TAOK3: variants seen among roughly 807,000 people sequenced by gnomAD.
The protein encoded by TAOK3 is serine/threonine-protein kinase TAO3.
A neutral mutation model predicts 120.4 loss-of-function variants in TAOK3; 40 were observed. The observed-to-expected ratio is 0.33, with a 90% CI of 0.26 to 0.43. TAOK3 has a LOEUF of 0.43. Ranked by LOEUF, TAOK3 falls within the 20% of genes least tolerant of loss-of-function variation. The pLI is 1.00. For synonymous variants in TAOK3, 355 were observed against 387.5 expected (o/e 0.92, Z 0.99); for missense variants, 821 against 1,112.1 (o/e 0.74, Z 3.72).
chr12:118,298,021 C>G (rs967435299), intron 1 of TAOK3, among the ~76,000 whole-genome samples: 24 of 152,158 alleles, frequency 1.6e-4, no homozygotes, highest in African/African-American at 5.6e-4. Flanking sequence ...TTCAAGTGAT[C>G]CTTCTGTCTT....
intron 14 of TAOK3, among the ~76,000 whole-genome samples, chr12:118,187,538 T>C (rs1400029072): frequency 1.3e-5 from 2 of 152,140 alleles, no homozygotes; most frequent in Non-Finnish European, 2.9e-5. Flanking sequence ...TCCATACCCA[T>C]AGTTAGATTG....
rs958555411 is a variant in TAOK3, at chr12:118,211,032, C to T, written c.819+1882G>A. On this transcript the variant is annotated intron_variant, in intron 11 of 20. Transcript: ENST00000392533. ...GATTACGGGCATGAGCCGCCACGCCCGGCCTACTTATTTATTTCTTACTCC... is the reference window on the plus strand; with the variant it reads ...GATTACGGGCATGAGCCGCCACGCCTGGCCTACTTATTTATTTCTTACTCC... 5.9e-5 allele frequency among the ~76,000 whole-genome samples: 9 copies of T among 152,184 alleles called. No homozygotes were observed. In the East Asian group the frequency reaches 9.6e-4, roughly 16 times the overall value.
intron 20 of TAOK3, 133 bp downstream of exon 20, chr12:118,152,094 C>G: frequency 1.3e-6 from 1 of 799,168 alleles, no homozygotes; most frequent in South Asian, 1.9e-5. Context: ...CACAAGGGTA[C>G]CAGTAGCATA....
intron 11 of TAOK3, among the ~76,000 whole-genome samples, chr12:118,212,203 A>T (rs1478032700): frequency 6.6e-6 from 1 of 152,250 alleles, no homozygotes; most frequent in African/African-American, 2.4e-5. Context: ...GCCATTCTAG[A>T]GACGGAAGAA....
chr12:118,307,010 A>G (rs1284514627), intron 1 of TAOK3, among the ~76,000 whole-genome samples: 3 of 152,208 alleles, frequency 2.0e-5, no homozygotes, highest in Non-Finnish European at 2.9e-5. Context: ...TTGGCTAGAA[A>G]CTACAATGTT....
intron 1 of TAOK3, among the ~76,000 whole-genome samples, chr12:118,302,870 G>A (rs468574): frequency 0.81 from 122,632 of 152,120 alleles, 49,804 homozygotes; most frequent in African/African-American, 0.9. Context: ...CCAATATCAC[G>A]ACTACCATTT....
chr12:118,286,269 G>A (rs965576840), intron 1 of TAOK3, among the ~76,000 whole-genome samples: 1 of 152,120 alleles, frequency 6.6e-6, no homozygotes, highest in Non-Finnish European at 1.5e-5. Context: ...TGTGCCATTA[G>A]AAGCTAGGTT....
At chr12:118,151,204 A>T in intron 20 of TAOK3, 46 bp from the exon 21 acceptor site, 1 of 1,600,284 alleles carries the variant, frequency 6.2e-7, no homozygotes. Context: ...ATCTCCTAAC[A>T]GGCACCCACG....
At chr12:118,186,319 G>C (rs2037073527) in intron 14 of TAOK3, among the ~76,000 whole-genome samples, 1 of 152,142 alleles carries the variant, frequency 6.6e-6, no homozygotes, top group African/African-American at 2.4e-5. Flanking sequence ...AGGAAGAGGG[G>C]CAGTGAGAAT....
chr12:118,327,510 T>C (rs1250941834), intron 1 of TAOK3, among the ~76,000 whole-genome samples: 1 of 152,232 alleles, frequency 6.6e-6, no homozygotes. Context: ...TAAACATTCT[T>C]ATAAATGCTA....
At chr12:118,279,932 A>AT in intron 1 of TAOK3, among the ~76,000 whole-genome samples, 1 of 150,202 alleles carries the variant, frequency 6.7e-6, no homozygotes. Flanking sequence ...CGTCCAGCTA[A>AT]TTTTTTGTAT....
chr12:118,307,797 A>C (rs1294363178), intron 1 of TAOK3, among the ~76,000 whole-genome samples: 1 of 152,144 alleles, frequency 6.6e-6, no homozygotes. Flanking sequence ...ATGGTATCTT[A>C]TTACTAAAAC....
intron 17 of TAOK3, 136 bp from the exon 18 acceptor site, chr12:118,162,163 G>T: frequency 8.8e-7 from 1 of 1,133,742 alleles, no homozygotes; most frequent in Non-Finnish European, 1.2e-6. Flanking sequence ...TTTGGCAGCA[G>T]GACTTAATGA....
intron 1 of TAOK3, among the ~76,000 whole-genome samples, chr12:118,295,702 C>A (rs779574000): frequency 1.3e-5 from 2 of 152,178 alleles, no homozygotes; most frequent in Admixed American, 6.5e-5. Context: ...GAAACCTCTA[C>A]AAATTGTCAA....
intron 1 of TAOK3, among the ~76,000 whole-genome samples, chr12:118,287,365 T>G (rs557447407): frequency 3.3e-5 from 5 of 152,206 alleles, no homozygotes; most frequent in Non-Finnish European, 7.3e-5. Flanking sequence ...GCAATTCTCC[T>G]GCCTCAGCCT....
rs112263526 is a variant in TAOK3, at chr12:118,172,617, T to C, written c.1739A>G (p.Glu580Gly). Residue 580 changes from glutamate to glycine, a missense_variant, in exon 17 of 21, where the codon GAG becomes GGG. Glu to Gly is a moderately conservative substitution (Grantham distance 98). Coordinates refer to ENST00000392533, the MANE Select transcript of TAOK3 (RefSeq NM_016281.4). ...DHSTPKKEKQ[E>G]RISKHKENLQ... is the part of the protein sequence containing the mutation. ...GTTCTCTTTATGTTTGGAGATCCGC[T>C]CTTGCTTCTCTTTCTTGGGTGTGCT... 7.3e-5 allele frequency: 118 copies of C among 1,614,116 alleles called. No homozygotes were observed. The Admixed American group carries it at 1.1e-3, about 15-fold the overall frequency.
At chr12:118,293,036 G>A (rs1056711901) in intron 1 of TAOK3, among the ~76,000 whole-genome samples, 1 of 152,220 alleles carries the variant, frequency 6.6e-6, no homozygotes, top group African/African-American at 2.4e-5. Flanking sequence ...GATATGGCAA[G>A]CATGCATACA....
chr12:118,208,918 G>T (rs895540688), intron 11 of TAOK3, among the ~76,000 whole-genome samples: 2 of 152,022 alleles, frequency 1.3e-5, no homozygotes, highest in Non-Finnish European at 1.5e-5. Flanking sequence ...CACTATTTTG[G>T]CCAGGCTGGT....
At chr12:118,190,011 C>G in intron 13 of TAOK3, 70 bp from the exon 14 acceptor site, 1 of 1,589,404 alleles carries the variant, frequency 6.3e-7, no homozygotes, top group Non-Finnish European at 8.6e-7. Context: ...CTCTCTCTCA[C>G]CCCTCTTTCT....
Sources: gnomAD v4.1 joint callset for allele counts (sites outside exome capture counted in the v4.1 genomes callset) on GRCh38, gnomAD v4.1.1 for gene constraint, MANE v1.5 for transcripts, NCBI Gene and HGNC (gene_info 2026-07-23, HGNC 2026-07-21) for gene names.